SPATA13: variants seen among roughly 807,000 people sequenced by gnomAD.
The protein encoded by SPATA13 is spermatogenesis-associated protein 13.
SPATA13 carries 50 observed loss-of-function variants against 104.0 expected under a neutral mutation model. The observed-to-expected ratio is 0.48, with a 90% CI of 0.38 to 0.61. The LOEUF is 0.61. Among genes scored for constraint, SPATA13 ranks in the 20% least tolerant of loss-of-function variants. The probability of loss-of-function intolerance (pLI) is 0.00; values close to 1 mark genes in which losing one functional copy is unlikely to be tolerated. For synonymous variants in SPATA13, 606 were observed against 667.5 expected, an observed-to-expected ratio of 0.91 and a Z score of 1.42; for missense variants, 1,524 against 1,690.6, an observed-to-expected ratio of 0.90 and a Z score of 1.73.
chr13:24,230,737 C>T (rs538719723), intron 2 of SPATA13, among the ~76,000 whole-genome samples: 2 of 152,246 alleles, frequency 1.3e-5, no homozygotes, highest in South Asian at 2.1e-4. Flanking sequence ...GAGCTGCAGA[C>T]GGCTTGCAGA....
intron 8 of SPATA13, 46 bp downstream of exon 8, chr13:24,289,224 T>A (rs561538036): frequency 2.0e-6 from 3 of 1,497,696 alleles, no homozygotes; most frequent in East Asian, 2.3e-5. Context: ...GCTTACATAA[T>A]TTTGAAGTGC....
intron 4 of SPATA13, among the ~76,000 whole-genome samples, chr13:24,255,676 A>G (rs1265096818): frequency 6.6e-6 from 1 of 152,216 alleles, no homozygotes; most frequent in Non-Finnish European, 1.5e-5. Flanking sequence ...CTGCTGTCAC[A>G]TGGGAGATGC....
chr13:24,090,211 T>A (rs1320957980), intron 3 of SPATA13, among the ~76,000 whole-genome samples: 1 of 152,010 alleles, frequency 6.6e-6, no homozygotes, highest in Non-Finnish European at 1.5e-5. Context: ...CCTTATGGAC[T>A]TTCCTCTGCT....
At chr13:24,127,495 G>A (rs576201421) in intron 3 of SPATA13, among the ~76,000 whole-genome samples, 1 of 151,942 alleles carries the variant, frequency 6.6e-6, no homozygotes, top group South Asian at 2.1e-4. Flanking sequence ...AGCCTCTGGG[G>A]ACAGCAGCTG....
In SPATA13 at chr13:24,271,021, ACTCT is replaced by A. The variant is rs35776484; in HGVS notation, c.2165-13098_2165-13095del. The A allele has an allele frequency of 2.9e-4, 172 of 602,768 alleles. 1 individual carries two copies. Among genetic ancestry groups the A allele is most frequent in the Middle Eastern group, 6.1e-4 (2 of 3,256 alleles). 37.3% of individuals were successfully genotyped at this position (602,768 alleles called of 1,614,324 possible). ...TCTCTCTCTCTCTCCACTCTCTCTC[ACTCT>A]CTCTCTCTCTCTCTCACTCTCTCTC... On this transcript the variant is annotated intron_variant, in intron 4 of 12. Coordinates refer to ENST00000382108, the MANE Select transcript of SPATA13 (RefSeq NM_001166271.3).
rs1409331260 is a variant in SPATA13, at chr13:24,051,890, CG to C, written c.-112+34191del. On this transcript the variant is annotated intron_variant, in intron 3 of 14. Coordinates refer to the SPATA13 transcript ENST00000424834. This position sits in a 1 kb window ranked among gnomAD's most constrained non-coding sequence, Gnocchi z 4.2. ...CCAGCCTGGGGTCCTAGGAGTTCCCCGGCACCTGTTCCTCCTCCTCAGCCCC... is the reference window on the plus strand; with the variant it reads ...CCAGCCTGGGGTCCTAGGAGTTCCCCGCACCTGTTCCTCCTCCTCAGCCCC... 6.6e-6 allele frequency among the ~76,000 whole-genome samples: 1 copy of C among 152,172 alleles called. No homozygotes were observed. The highest frequency in any genetic ancestry group is 1.9e-4 in the East Asian group (1 of 5,196).
intron 3 of SPATA13, among the ~76,000 whole-genome samples, chr13:24,042,766 G>A (rs1877981639): frequency 6.6e-6 from 1 of 152,194 alleles, no homozygotes; most frequent in African/African-American, 2.4e-5. Context: ...TGCCTCACTT[G>A]GTCAGCGGTG....
At chr13:24,044,380 C>T (rs2137733058) in intron 3 of SPATA13, among the ~76,000 whole-genome samples, 1 of 151,936 alleles carries the variant, frequency 6.6e-6, no homozygotes, top group South Asian at 2.1e-4. Flanking sequence ...CTACAGGCAC[C>T]TGCCACTGCG....
chr13:24,047,977 C>CAG (rs1160713959), intron 3 of SPATA13, among the ~76,000 whole-genome samples: 1 of 152,180 alleles, frequency 6.6e-6, no homozygotes, highest in Non-Finnish European at 1.5e-5. Flanking sequence ...CAATGTCTGA[C>CAG]ATCCCAGGGT....
intron 3 of SPATA13, among the ~76,000 whole-genome samples, chr13:24,076,062 C>T (rs1359389064): frequency 6.6e-6 from 1 of 152,136 alleles, no homozygotes; most frequent in Admixed American, 6.5e-5. Context: ...TCCTCTCACA[C>T]GGAAACACGT....
At chr13:23,987,137 T>C (rs1875185693) in intron 2 of SPATA13, among the ~76,000 whole-genome samples, 1 of 151,736 alleles carries the variant, frequency 6.6e-6, no homozygotes, top group Non-Finnish European at 1.5e-5. Flanking sequence ...GTTAGTAAAA[T>C]GAGACATTCA....
intron 1 of SPATA13, among the ~76,000 whole-genome samples, chr13:24,211,753 A>G (rs904251539): frequency 6.6e-6 from 1 of 152,064 alleles, no homozygotes; most frequent in South Asian, 2.1e-4. Context: ...CTCTGCTGCC[A>G]GAACTTCTGC....
Position 24,249,659 on chromosome 13 carries a change from C to G in SPATA13, c.1836C>G (p.Pro612=), listed in dbSNP as rs1873368346. The G allele has an allele frequency of 6.2e-7, 1 of 1,614,080 alleles. No individual in the cohort carries two copies. The highest frequency in any genetic ancestry group is 1.3e-5 in the African/African-American group (1 of 74,938). ...CTGAAGACTCGGTTGCTGCAGACCC[C>G]CAGAAGGAAGACCGTGTGGACGAGG... ...SIPEDSVAAD[P]QKEDRVDEDP... The change falls in exon 3 of 13, where the codon CCC becomes CCG. Residue 612 remains proline (P), a synonymous_variant. Transcript: ENST00000382108.
At chr13:24,275,072 C>T (rs1874877938) in intron 4 of SPATA13, among the ~76,000 whole-genome samples, 1 of 152,102 alleles carries the variant, frequency 6.6e-6, no homozygotes, top group South Asian at 2.1e-4. Flanking sequence ...TCTTCTCTAA[C>T]TGTATTTGTA....
At position 24,223,089 on chromosome 13, in the gene SPATA13, T is replaced by C; in HGVS notation, c.160T>C (p.Cys54Arg). 6.4e-7 allele frequency: 1 copy of C among 1,551,730 alleles called. No homozygotes were observed. The highest frequency in any genetic ancestry group is 1.2e-5 in the South Asian group (1 of 84,064). The change falls in exon 2 of 13, where the codon TGC becomes CGC. Residue 54 changes from cysteine (C) to arginine (R), a missense_variant. By Grantham distance (180) the Cys-to-Arg change is radical. Around this residue, in one of 2 missense-constraint regions of SPATA13, gnomAD observed 1,089 missense variants for 1,135.9 expected, o/e 0.96. Transcript: ENST00000382108. ...SLACGNGVCG[C>R]SPGGDTDTQE... The stretch of plus-strand genomic sequence containing the variant: ...TGCGTGTGGAAATGGAGTCTGTGGC[T>C]GCAGCCCTGGTGGCGACACGGACAC...
At chr13:24,096,015 G>A (rs528235136) in intron 3 of SPATA13, among the ~76,000 whole-genome samples, 1 of 152,188 alleles carries the variant, frequency 6.6e-6, no homozygotes, top group Non-Finnish European at 1.5e-5. Context: ...GAGGCTGCCT[G>A]GGTCACTTCC....
At chr13:24,249,285 G>A (rs1464172297) in intron 2 of SPATA13, among the ~76,000 whole-genome samples, 192 bp from the exon 3 acceptor site, 1 of 152,204 alleles carries the variant, frequency 6.6e-6, no homozygotes, top group Non-Finnish European at 1.5e-5. Flanking sequence ...CAGCCTATAA[G>A]AATAGATTTG....
At chr13:24,198,947 A>C (rs1017245075) in intron 1 of SPATA13, among the ~76,000 whole-genome samples, 16 of 127,380 alleles carry the variant, frequency 1.3e-4, no homozygotes, top group Non-Finnish European at 2.5e-4. Context: ...TAGAACTATA[A>C]AATCTTTTTT....
At chr13:24,252,355 C>A (rs1593463863) in intron 4 of SPATA13, among the ~76,000 whole-genome samples, 1 of 152,226 alleles carries the variant, frequency 6.6e-6, no homozygotes, top group Admixed American at 6.5e-5. Flanking sequence ...ATAAAGACAC[C>A]AGGCTTACTG....
Sources: gnomAD v4.1 joint callset for allele counts (sites outside exome capture counted in the v4.1 genomes callset) on GRCh38, gnomAD v4.1.1 for gene constraint, gnomAD v4.1.1 regional missense constraint, Gnocchi (gnomAD v3.1) non-coding constraint, MANE v1.5 for transcripts, NCBI Gene and HGNC (gene_info 2026-07-23, HGNC 2026-07-21) for gene names.